KCNJ6: variants seen among roughly 807,000 people sequenced by gnomAD.
KCNJ6 encodes the protein G protein-activated inward rectifier potassium channel 2.
A neutral mutation model predicts 34.2 loss-of-function variants in KCNJ6; 9 were observed. The observed-to-expected ratio is 0.26, with a 90% confidence interval of 0.16 to 0.46. The LOEUF (loss-of-function observed/expected upper bound fraction) is 0.46. Among genes scored for constraint, KCNJ6 ranks in the 20% least tolerant of loss-of-function variants. KCNJ6 has a pLI of 1.00. For synonymous variants in KCNJ6, 196 were observed against 207.1 expected, an observed-to-expected ratio of 0.95 and a Z score of 0.46; for missense variants, 236 against 531.3, an observed-to-expected ratio of 0.44 and a Z score of 5.46.
At chr21:37,745,040 T>G (rs2054960089) in intron 2 of KCNJ6, among the ~76,000 whole-genome samples, 1 of 145,104 alleles carries the variant, frequency 6.9e-6, no homozygotes, top group African/African-American at 2.5e-5. Flanking sequence ...AGGGAGATAG[T>G]AGCATAAGAA....
At chr21:37,814,636 C>G (rs2156073) in intron 2 of KCNJ6, among the ~76,000 whole-genome samples, 2 of 152,128 alleles carry the variant, frequency 1.3e-5, no homozygotes, top group East Asian at 3.9e-4. Flanking sequence ...TGGCAACTCA[C>G]GCCTGTAATC....
At chr21:37,745,978 C>T (rs1158612886) in intron 2 of KCNJ6, among the ~76,000 whole-genome samples, 2 of 152,156 alleles carry the variant, frequency 1.3e-5, no homozygotes, top group African/African-American at 4.8e-5. Flanking sequence ...AAGGTGCCGG[C>T]CGGTTCTGTT....
chr21:37,724,479 TAAG>T (rs984263905), intron 2 of KCNJ6, among the ~76,000 whole-genome samples: 23 of 151,884 alleles, frequency 1.5e-4, no homozygotes, highest in Middle Eastern at 3.2e-3. Flanking sequence ...GGTGCTGAAA[TAAG>T]GAGGCAGCCA....
rs796652615 is a variant in KCNJ6, at chr21:37,731,551, C to G, written c.26-16420G>C. ...CCCCTTAATAAATCTGTGTGGTAGG[C>G]AGCATCATTGATCTGAGAGAGGCTG... On this transcript the variant is annotated intron_variant, in intron 2 of 3. Transcript: ENST00000609713. Among the ~76,000 whole-genome samples, 5 of 152,238 alleles carry G rather than the reference C, an allele frequency of 3.3e-5. No homozygotes were observed. The South Asian group carries it at 1.0e-3, about 32-fold the overall frequency.
At chr21:37,630,802 T>C (rs1238880983) in intron 3 of KCNJ6, among the ~76,000 whole-genome samples, 1 of 152,194 alleles carries the variant, frequency 6.6e-6, no homozygotes, top group Non-Finnish European at 1.5e-5. Context: ...TAAAATCTAC[T>C]CTTAGCAATT....
In KCNJ6 at chr21:37,709,518, A is replaced by AAAAAAAAGAAAAG. The variant is rs112508967; in HGVS notation, c.946+4692_946+4693insCTTTTCTTTTTTT. On this transcript the variant is annotated intron_variant, in intron 3 of 3. Coordinates refer to ENST00000609713, the MANE Select transcript of KCNJ6 (RefSeq NM_002240.5). ...AACGAGAGCAAAACCCTGTCTCAAA[A>AAAAAAAAGAAAAG]AAAAGAAAAGAAAAGAAAAGAAATA... Among the ~76,000 whole-genome samples the AAAAAAAAGAAAAG allele has an allele frequency of 1.2e-3, 174 of 145,794 alleles. 1 individual carries two copies. Among genetic ancestry groups the AAAAAAAAGAAAAG allele is most frequent in the African/African-American group, 4.0e-3 (162 of 40,330 alleles).
chr21:37,914,066 T>C (rs1175743118), intron 1 of KCNJ6, among the ~76,000 whole-genome samples: 1 of 142,654 alleles, frequency 7.0e-6, no homozygotes, highest in Non-Finnish European at 1.5e-5. Context: ...CGCGCGCGCG[T>C]CCTTTTTCTC....
rs1356229929 is a variant in KCNJ6 at position 37,612,609 on chromosome 21, C to A, written c.*12550G>T. 6.6e-6 allele frequency: 1 copy of A among 151,750 alleles called. No homozygotes were observed. Among genetic ancestry groups the A allele is most frequent in the Non-Finnish European group, 1.5e-5 (1 of 67,968 alleles). The allele number at this position is 151,750 out of a possible 1,614,324, so 9.4% of individuals were successfully genotyped here. On this transcript the variant is annotated 3_prime_UTR_variant, in exon 4 of 4. Coordinates refer to ENST00000609713, the MANE Select transcript of KCNJ6 (RefSeq NM_002240.5). ...CAGAATGGAGAGCTGAGAAACAGAC[C>A]CACACAAATATAGTTAACTGATCCT...
intron 2 of KCNJ6, among the ~76,000 whole-genome samples, chr21:37,751,652 C>T (rs753638354): frequency 1.3e-5 from 2 of 152,196 alleles, no homozygotes; most frequent in Non-Finnish European, 2.9e-5. Context: ...TTTATGGTAT[C>T]ACAGGAGGGT....
intron 1 of KCNJ6, among the ~76,000 whole-genome samples, chr21:37,888,062 T>G (rs2055744244): frequency 6.6e-6 from 1 of 152,192 alleles, no homozygotes; most frequent in Admixed American, 6.5e-5. Flanking sequence ...CTGGTCACTC[T>G]GAGACAGGCT....
intron 2 of KCNJ6, among the ~76,000 whole-genome samples, chr21:37,752,448 G>T (rs2055000971): frequency 1.3e-5 from 2 of 152,158 alleles, no homozygotes; most frequent in Non-Finnish European, 2.9e-5. Context: ...GTCTGAATAT[G>T]AGCTAAATAG....
chr21:37,889,219 T>C (rs573828822), intron 1 of KCNJ6, among the ~76,000 whole-genome samples: 12 of 152,342 alleles, frequency 7.9e-5, no homozygotes, highest in African/African-American at 2.4e-4. Flanking sequence ...AGTTCAGGTC[T>C]AAAGAAACGA....
intron 1 of KCNJ6, among the ~76,000 whole-genome samples, chr21:37,863,214 A>C (rs1398663565): frequency 6.6e-6 from 1 of 152,258 alleles, no homozygotes; most frequent in Non-Finnish European, 1.5e-5. Context: ...TGCTTAAATG[A>C]GTAAAACATG....
rs1411029670 is a variant in KCNJ6, at chr21:37,614,631, T to G, written c.*10528A>C. On this transcript the variant is annotated 3_prime_UTR_variant, in exon 4 of 4. Transcript: ENST00000609713. ...CTGTATGCGTGTGTGTATGCATATG[T>G]CTGTGTGTGTATGCACGTGTGTGTA... is the stretch of plus-strand genomic sequence containing the variant. 7.4e-6 allele frequency: 1 copy of G among 134,402 alleles called. No individual in the cohort carries two copies. Among genetic ancestry groups the G allele is most frequent in the Non-Finnish European group, 1.7e-5 (1 of 59,040 alleles). 8.3% of individuals were successfully genotyped at this position (134,402 alleles called of 1,614,324 possible).
At chr21:37,657,478 G>A (rs1206212328) in intron 3 of KCNJ6, among the ~76,000 whole-genome samples, 1 of 152,132 alleles carries the variant, frequency 6.6e-6, no homozygotes, top group Non-Finnish European at 1.5e-5. Flanking sequence ...TTCTGAGACA[G>A]GTGAGGGTCT....
chr21:37,738,718 AT>A (rs1473772028), intron 2 of KCNJ6, among the ~76,000 whole-genome samples: 2 of 152,200 alleles, frequency 1.3e-5, no homozygotes, highest in Non-Finnish European at 2.9e-5. Flanking sequence ...CTTTAAACAT[AT>A]TCTCAGCTGG....
intron 2 of KCNJ6, among the ~76,000 whole-genome samples, chr21:37,745,569 G>C (rs924716280): frequency 1.3e-5 from 2 of 152,352 alleles, no homozygotes; most frequent in East Asian, 1.9e-4. Context: ...CTTTAGCCCA[G>C]TGAGACTCCT....
Position 37,868,294 on chromosome 21 carries a change from C to A in KCNJ6, c.-27-27585G>T, listed in dbSNP as rs868457466. Reference sequence around the variant, plus strand: ...TTTAGGGCAAGTTGTATGAGATCTGCGATTACAGAGATTTGTACTGTCTGG... The same window carrying A: ...TTTAGGGCAAGTTGTATGAGATCTGAGATTACAGAGATTTGTACTGTCTGG... On this transcript the variant is annotated intron_variant, in intron 1 of 3. Coordinates refer to ENST00000609713, the MANE Select transcript of KCNJ6 (RefSeq NM_002240.5). Among the ~76,000 whole-genome samples the A allele has an allele frequency of 3.3e-5, 5 of 152,222 alleles. No individual in the cohort carries two copies. The Middle Eastern group carries it at 0.01, about 311-fold the overall frequency.
intron 3 of KCNJ6, among the ~76,000 whole-genome samples, chr21:37,668,705 G>T (rs2123405820): frequency 6.6e-6 from 1 of 152,306 alleles, no homozygotes; most frequent in African/African-American, 2.4e-5. Flanking sequence ...GGCCTGCACG[G>T]CCTCTGAGCT....
Sources: allele counts gnomAD v4.1 joint callset (sites outside exome capture counted in the v4.1 genomes callset), GRCh38; gene constraint gnomAD v4.1.1; transcripts MANE v1.5; gene names NCBI Gene and HGNC (gene_info 2026-07-23, HGNC 2026-07-21).